KLF16: variants seen among roughly 807,000 people sequenced by gnomAD.
KLF16 encodes Krueppel-like factor 16.
In KLF16, 6 loss-of-function variants were observed where a neutral mutation model predicts 6.1. The observed-to-expected ratio is 0.98, with a 90% CI of 0.54 to 1.93. The LOEUF (loss-of-function observed/expected upper bound fraction) is 1.93. Among genes scored for constraint, KLF16 ranks in the 30% most tolerant of loss-of-function variants. The pLI is 0.01. For missense variants in KLF16, 355 were observed against 363.8 expected (o/e 0.98, Z 0.20); for synonymous variants, 211 against 176.5 (o/e 1.20, Z -1.55).
At chr19:1,855,867 A>T (rs2011939395) in intron 1 of KLF16, among the ~76,000 whole-genome samples, 1 of 152,184 alleles carries the variant, frequency 6.6e-6, no homozygotes, top group African/African-American at 2.4e-5. Flanking sequence ...GCATTCCGGG[A>T]CGTTATTCCC....
In KLF16 at chr19:1,853,099, G is replaced by A. The variant is rs1270630285; in HGVS notation, c.*1360C>T. On this transcript the variant is annotated 3_prime_UTR_variant, in exon 2 of 2. Coordinates refer to ENST00000250916, the MANE Select transcript of KLF16 (RefSeq NM_031918.4). ...TGGGGGTCCTCAATACCCCCCCCAAGAGGAAATGCAACCCAGGCCACAGCA... is the reference window on the plus strand; with the variant it reads ...TGGGGGTCCTCAATACCCCCCCCAAAAGGAAATGCAACCCAGGCCACAGCA... 1.3e-5 allele frequency: 2 copies of A among 151,170 alleles called. No homozygotes were observed. Among genetic ancestry groups the A allele is most frequent in the African/African-American group, 4.9e-5 (2 of 41,032 alleles). 9.4% of individuals were successfully genotyped at this position (151,170 alleles called of 1,614,324 possible).
chr19:1,864,211 C>T (rs568203858), upstream of KLF16, among the ~76,000 whole-genome samples: 2 of 151,608 alleles, frequency 1.3e-5, no homozygotes, highest in Admixed American at 6.6e-5. Flanking sequence ...AGGAGGGCTC[C>T]GATCCCCACG....
intron 1 of KLF16, among the ~76,000 whole-genome samples, chr19:1,862,363 C>T (rs1389699829): frequency 6.6e-6 from 1 of 152,208 alleles, no homozygotes; most frequent in Non-Finnish European, 1.5e-5. Flanking sequence ...TAGGGGTGAA[C>T]AAACACGCCA....
intron 1 of KLF16, among the ~76,000 whole-genome samples, chr19:1,854,970 C>T (rs2011918650): frequency 6.6e-6 from 1 of 152,150 alleles, no homozygotes; most frequent in Non-Finnish European, 1.5e-5. Context: ...ATAAATAATC[C>T]TCTTATTTCC....
chr19:1,854,399 C>CT lies in KLF16; in HGVS notation c.*59dup, dbSNP rs1295102374. The stretch of plus-strand genomic sequence containing the variant: ...AAGGGGCCCAGGCTCCCCGTGGGTC[C>CT]TCACTACACCCCTGGATGGCAGAAG... On this transcript the variant is annotated 3_prime_UTR_variant, in exon 2 of 2. Transcript: ENST00000250916. 1.6e-5 allele frequency: 22 copies of CT among 1,370,902 alleles called. 1 individual carries two copies. The South Asian group carries it at 3.8e-4, about 23-fold the overall frequency. The allele number at this position is 1,370,902 out of a possible 1,614,324, so 84.9% of individuals were successfully genotyped here.
chr19:1,855,989 G>A (rs958770690), intron 1 of KLF16, among the ~76,000 whole-genome samples: 8 of 152,228 alleles, frequency 5.3e-5, no homozygotes, highest in African/African-American at 1.9e-4. Context: ...CCCCTGAGTG[G>A]CCCCAAAGCC....
chr19:1,855,974 C>G (rs193013251), intron 1 of KLF16, among the ~76,000 whole-genome samples: 110 of 152,356 alleles, frequency 7.2e-4, no homozygotes, highest in African/African-American at 2.5e-3. Flanking sequence ...ACGTCAGAAC[C>G]AACTCCCCTG....
At chr19:1,855,259 T>TG (rs1568731544) in intron 1 of KLF16, among the ~76,000 whole-genome samples, 1 of 152,184 alleles carries the variant, frequency 6.6e-6, no homozygotes, top group African/African-American at 2.4e-5. Flanking sequence ...CCACCTGGGA[T>TG]GCAAAGGCTG....
At chr19:1,864,095 T>C (rs551720873), upstream of KLF16, among the ~76,000 whole-genome samples, 457 of 127,044 alleles carry the variant, frequency 3.6e-3, 1 homozygote, top group African/African-American at 0.013. Context: ...GCGCCCCGCC[T>C]CCTCGCTGGC....
the KLF16 span, among the ~76,000 whole-genome samples, chr19:1,868,869 C>T: frequency 6.6e-6 from 1 of 152,090 alleles, no homozygotes; most frequent in African/African-American, 2.4e-5. Flanking sequence ...TCTTGAACCC[C>T]TGACCTCAGG....
the KLF16 span, among the ~76,000 whole-genome samples, chr19:1,872,145 T>C: frequency 6.6e-6 from 1 of 152,104 alleles, no homozygotes; most frequent in African/African-American, 2.4e-5. Flanking sequence ...TTCGTTGTTT[T>C]TTTAAGATGG....
Position 1,854,165 on chromosome 19 carries a change from A to T in KLF16, c.*294T>A, listed in dbSNP as rs925916716. On this transcript the variant is annotated 3_prime_UTR_variant, in exon 2 of 2. Coordinates refer to ENST00000250916, the MANE Select transcript of KLF16 (RefSeq NM_031918.4). ...AGGGGGGCAGCAGGGGGTGGTGGAG[A>T]GGAGAGGGGAGGACCTCCTAGCTGC... 5.9e-6 allele frequency: 2 copies of T among 339,630 alleles called. No homozygotes were observed. The highest frequency in any genetic ancestry group is 1.1e-5 in the Non-Finnish European group (2 of 190,074). 21.0% of individuals were successfully genotyped at this position (339,630 alleles called of 1,614,324 possible). A position where few individuals can be genotyped will look rare whatever the true frequency, so the allele number is the denominator to read the frequency against.
chr19:1,863,922 C>G (rs1338088577), upstream of KLF16, among the ~76,000 whole-genome samples: 1 of 148,020 alleles, frequency 6.8e-6, no homozygotes, highest in East Asian at 2.0e-4. Flanking sequence ...AGCCCCGCCC[C>G]CTCCCGGCGC....
chr19:1,866,829 C>A (rs747282182), upstream of KLF16, among the ~76,000 whole-genome samples: 5 of 148,452 alleles, frequency 3.4e-5, no homozygotes, highest in Non-Finnish European at 5.9e-5. Context: ...ATGAAAAAAT[C>A]AAGACTGGGA....
chr19:1,872,521 T>C, the KLF16 span, among the ~76,000 whole-genome samples: 2 of 152,162 alleles, frequency 1.3e-5, no homozygotes, highest in East Asian at 1.9e-4. Flanking sequence ...CGTGAGGCTA[T>C]TGGGGAGGGC....
At chr19:1,863,990 G>T (rs1443924494), upstream of KLF16, among the ~76,000 whole-genome samples, 1 of 143,768 alleles carries the variant, frequency 7.0e-6, no homozygotes, top group Non-Finnish European at 1.5e-5. Context: ...CCTCAAGCCG[G>T]GGCGGGAGGC....
At chr19:1,873,330 C>T in the KLF16 span, among the ~76,000 whole-genome samples, 2 of 152,188 alleles carry the variant, frequency 1.3e-5, no homozygotes, top group African/African-American at 2.4e-5. Flanking sequence ...CAGCCCTGGG[C>T]ACCGCCCCAG....
At chr19:1,871,052 ACTG>A in the KLF16 span, among the ~76,000 whole-genome samples, 1 of 152,092 alleles carries the variant, frequency 6.6e-6, no homozygotes, top group Admixed American at 6.5e-5. Context: ...TGTGCACTGT[ACTG>A]CTGGTAACAG....
At chr19:1,872,176 G>A in the KLF16 span, among the ~76,000 whole-genome samples, 1 of 152,166 alleles carries the variant, frequency 6.6e-6, no homozygotes, top group African/African-American at 2.4e-5. Flanking sequence ...TGTTGCCCAG[G>A]CTGGAGTGCA....
Sources: allele counts gnomAD v4.1 joint callset (sites outside exome capture counted in the v4.1 genomes callset), GRCh38; gene constraint gnomAD v4.1.1; transcripts MANE v1.5; gene names NCBI Gene and HGNC (gene_info 2026-07-23, HGNC 2026-07-21).